SDK1: variants seen among roughly 807,000 people sequenced by gnomAD.
SDK1 encodes the protein protein sidekick-1.
SDK1 carries 157 observed loss-of-function variants against 245.5 expected under a neutral mutation model. The ratio of observed to expected loss-of-function variants is 0.64; its 90% confidence interval spans 0.56 to 0.73. The LOEUF is 0.73. Ranked by LOEUF, SDK1 falls within the 30% of genes least tolerant of loss-of-function variation. SDK1 has a pLI of 0.00. For missense variants in SDK1, 3,583 were observed against 3,002.3 expected, an observed-to-expected ratio of 1.19 and a Z score of -4.52; for synonymous variants, 1,647 against 1,278.5, an observed-to-expected ratio of 1.29 and a Z score of -6.15.
At chr7:3,958,131 C>G (rs1189409193) in intron 7 of SDK1, 1 of 380,582 alleles carries the variant, frequency 2.6e-6, no homozygotes, top group African/African-American at 2.2e-5. Flanking sequence ...AGTAAACCAG[C>G]TCTGGAAGAC....
At chr7:4,068,699 TA>T (rs991634389) in intron 20 of SDK1, among the ~76,000 whole-genome samples, 1 of 151,680 alleles carries the variant, frequency 6.6e-6, no homozygotes, top group African/African-American at 2.4e-5. Context: ...TCACCTTTTT[TA>T]GGGTTTTTAA....
intron 22 of SDK1, among the ~76,000 whole-genome samples, chr7:4,088,918 A>ACTCAGAGGGAGGTGAGACCCTCC (rs1781600618): frequency 6.6e-6 from 1 of 151,314 alleles, no homozygotes; most frequent in Non-Finnish European, 1.5e-5. Flanking sequence ...CAATGAGGTC[A>ACTCAGAGGGAGGTGAGACCCTCC]CTCAGGCGGA....
At chr7:4,086,268 CATTGGG>C (rs1781421924) in intron 22 of SDK1, among the ~76,000 whole-genome samples, 1 of 152,182 alleles carries the variant, frequency 6.6e-6, no homozygotes, top group African/African-American at 2.4e-5. Context: ...TGCTGACACG[CATTGGG>C]ATGTGTATTA....
At position 3,347,650 on chromosome 7, in the gene SDK1, A is replaced by G. The variant is rs769313179; in HGVS notation, c.298+45766A>G. Among the ~76,000 whole-genome samples, 8 of 152,258 alleles carry G rather than the reference A, an allele frequency of 5.3e-5. 1 individual carries two copies. The highest frequency in any genetic ancestry group is 6.8e-3 in the Middle Eastern group (2 of 294). On this transcript the variant is annotated intron_variant, in intron 1 of 44. Coordinates refer to ENST00000404826, the MANE Select transcript of SDK1 (RefSeq NM_152744.4). ...GGCATGGTTTTTAATTTTGTTCTGA[A>G]TTTAGTTTATATTCCTAAGTGGCTT...
intron 30 of SDK1, among the ~76,000 whole-genome samples, chr7:4,152,703 G>A (rs1780466505): frequency 6.6e-6 from 1 of 152,196 alleles, no homozygotes; most frequent in South Asian, 2.1e-4. Flanking sequence ...CCAGGAAAGT[G>A]ATATTTTGTA....
chr7:3,704,345 G>C (rs1203585881), intron 4 of SDK1, among the ~76,000 whole-genome samples: 1 of 150,090 alleles, frequency 6.7e-6, no homozygotes, highest in Non-Finnish European at 1.5e-5. Context: ...CTTAGGATGA[G>C]GATCCATGCC....
chr7:3,850,317 A>T (rs1212623883), intron 5 of SDK1, among the ~76,000 whole-genome samples: 1 of 152,218 alleles, frequency 6.6e-6, no homozygotes, highest in Non-Finnish European at 1.5e-5. Flanking sequence ...AATATATGGA[A>T]AGCATGTGTA....
intron 1 of SDK1, among the ~76,000 whole-genome samples, chr7:3,558,249 T>C (rs1779648147): frequency 1.3e-5 from 2 of 152,188 alleles, no homozygotes; most frequent in Admixed American, 1.3e-4. Context: ...GGCCATAGGA[T>C]CAAAGGAGTT....
At chr7:3,970,005 C>T (rs74739105) in intron 11 of SDK1, among the ~76,000 whole-genome samples, 5,040 of 152,298 alleles carry the variant, frequency 0.033, 292 homozygotes, top group African/African-American at 0.12. Context: ...AAAATCAAGA[C>T]ACATTTTGGA....
chr7:3,843,929 A>G (rs545293866), intron 5 of SDK1, among the ~76,000 whole-genome samples: 5 of 152,342 alleles, frequency 3.3e-5, no homozygotes, highest in East Asian at 1.9e-4. Flanking sequence ...TCTTAGCCCA[A>G]TAGAGAATGA....
At chr7:4,037,144 G>C (rs1170318976) in intron 17 of SDK1, among the ~76,000 whole-genome samples, 2 of 152,134 alleles carry the variant, frequency 1.3e-5, no homozygotes, top group Admixed American at 1.3e-4. Flanking sequence ...AATTGCAATA[G>C]GAAATTTAAA....
chr7:3,340,535 G>T (rs1299623835), intron 1 of SDK1, among the ~76,000 whole-genome samples: 1 of 152,132 alleles, frequency 6.6e-6, no homozygotes, highest in African/African-American at 2.4e-5. Context: ...GGCCAAGGTG[G>T]GTGGCTCACG....
chr7:4,071,709 C>A (rs952109999), intron 20 of SDK1, among the ~76,000 whole-genome samples: 2 of 152,202 alleles, frequency 1.3e-5, no homozygotes, highest in Non-Finnish European at 2.9e-5. Context: ...AGAAGACTTT[C>A]CAGTTCAGAC....
At position 3,959,032 on chromosome 7, in the gene SDK1, G is replaced by A. The variant is rs777118886; in HGVS notation, c.1234+18G>A. On this transcript the variant is annotated intron_variant, in intron 8 of 44. Transcript: ENST00000404826. Reference sequence around the variant, plus strand: ...AGCCATGGGTGAGTGCAGAGTGGCTGCTGGACAAGGAGCCATGACTGGGAG... The same window carrying A: ...AGCCATGGGTGAGTGCAGAGTGGCTACTGGACAAGGAGCCATGACTGGGAG... 1 of 1,576,068 alleles carries A rather than the reference G, an allele frequency of 6.3e-7. No homozygotes were observed. The highest frequency in any genetic ancestry group is 8.7e-7 in the Non-Finnish European group (1 of 1,145,654).
Position 3,981,432 on chromosome 7 carries a change from G to A in SDK1, c.1995-5754G>A, listed in dbSNP as rs888299972. On this transcript the variant is annotated intron_variant, in intron 13 of 44. Transcript: ENST00000404826. ...GGCCTCTGAGTGTCCATGTGAAAGA[G>A]AGGGTTGTACGTCTCTCACTAGAAA... 2.9e-4 allele frequency among the ~76,000 whole-genome samples: 44 copies of A among 151,748 alleles called. 1 individual carries two copies. Among genetic ancestry groups the A allele is most frequent in the Admixed American group, 2.6e-3 (39 of 15,162 alleles).
intron 7 of SDK1, among the ~76,000 whole-genome samples, chr7:3,953,225 G>T (rs1780974181): frequency 6.6e-6 from 1 of 151,474 alleles, no homozygotes; most frequent in South Asian, 2.1e-4. Flanking sequence ...AAGGAATACT[G>T]CACAAAAGGT....
chr7:3,678,137 G>A (rs1783967997), intron 4 of SDK1, among the ~76,000 whole-genome samples: 3 of 152,336 alleles, frequency 2.0e-5, no homozygotes, highest in Middle Eastern at 6.8e-3. Flanking sequence ...ATTAACAAGT[G>A]TTGGTGAGGA....
intron 1 of SDK1, among the ~76,000 whole-genome samples, chr7:3,557,833 T>C (rs1247800681): frequency 6.6e-6 from 1 of 152,192 alleles, no homozygotes; most frequent in Non-Finnish European, 1.5e-5. Context: ...AGAGACCTTG[T>C]TCTCATTCAC....
chr7:3,459,442 C>T (rs1780769848), intron 1 of SDK1, among the ~76,000 whole-genome samples: 1 of 152,160 alleles, frequency 6.6e-6, no homozygotes, highest in Admixed American at 6.5e-5. Flanking sequence ...TAGCCACTCC[C>T]CAGTGCCATG....
Sources: allele counts gnomAD v4.1 joint callset (sites outside exome capture counted in the v4.1 genomes callset), GRCh38; gene constraint gnomAD v4.1.1; transcripts MANE v1.5; gene names NCBI Gene and HGNC (gene_info 2026-07-23, HGNC 2026-07-21).